Variants in RBMS3 observed in about 807,000 individuals in gnomAD.
The protein encoded by RBMS3 is RNA-binding motif, single-stranded-interacting protein 3.
In RBMS3, 27 loss-of-function variants were observed where a neutral mutation model predicts 66.8. The observed-to-expected ratio is 0.40, with a 90% CI of 0.30 to 0.56. The LOEUF (loss-of-function observed/expected upper bound fraction) is 0.56, where lower values mean the gene tolerates loss of function less well. Among genes scored for constraint, RBMS3 ranks in the 20% least tolerant of loss-of-function variants. The pLI is 0.40. For missense variants in RBMS3, 513 were observed against 549.5 expected, an observed-to-expected ratio of 0.93 and a Z score of 0.66; for synonymous variants, 188 against 183.0, an observed-to-expected ratio of 1.03 and a Z score of -0.22.
chr3:29,929,926 A>G lies in RBMS3; in HGVS notation c.940-6160A>G, dbSNP rs533619554. On this transcript the variant is annotated intron_variant, in intron 10 of 14. Coordinates refer to ENST00000383767, the MANE Select transcript of RBMS3 (RefSeq NM_001003793.3). ...AAAATAAATAGCAAAATAAGTTAGC[A>G]CTCAAAAATAATGATAAAGCCATTG... 4.9e-4 allele frequency among the ~76,000 whole-genome samples: 74 copies of G among 151,936 alleles called. No individual in the cohort carries two copies. In the South Asian group the frequency reaches 0.015, roughly 31 times the overall value.
chr3:29,430,947 G>A (rs2041160630), intron 1 of RBMS3, among the ~76,000 whole-genome samples: 2 of 152,276 alleles, frequency 1.3e-5, no homozygotes, highest in African/African-American at 4.8e-5. Context: ...CCCATTATGA[G>A]ATACACCAGG....
At chr3:29,904,120 T>C (rs1269505083) in intron 10 of RBMS3, among the ~76,000 whole-genome samples, 2 of 151,956 alleles carry the variant, frequency 1.3e-5, no homozygotes, top group Non-Finnish European at 2.9e-5. Context: ...CTGGCTTTGC[T>C]ACCGTTAAAT....
chr3:29,317,326 A>G (rs1328065635), intron 1 of RBMS3, among the ~76,000 whole-genome samples: 1 of 151,750 alleles, frequency 6.6e-6, no homozygotes, highest in Non-Finnish European at 1.5e-5. Context: ...CTATGTCCAG[A>G]TAGGATATTC....
At chr3:29,606,097 C>T (rs2048313207) in intron 4 of RBMS3, among the ~76,000 whole-genome samples, 1 of 151,398 alleles carries the variant, frequency 6.6e-6, no homozygotes, top group African/African-American at 2.4e-5. Context: ...CTGAATCATA[C>T]TCCAGTACTG....
intron 4 of RBMS3, among the ~76,000 whole-genome samples, chr3:29,670,901 T>C (rs2149245497): frequency 6.6e-6 from 1 of 152,262 alleles, no homozygotes; most frequent in South Asian, 2.1e-4. Flanking sequence ...GAAGAGAGCA[T>C]TGCTTCTCTG....
chr3:29,464,221 G>A (rs1274578837), intron 2 of RBMS3, among the ~76,000 whole-genome samples: 1 of 152,268 alleles, frequency 6.6e-6, no homozygotes, highest in African/African-American at 2.4e-5. Flanking sequence ...GTAAGTCTGT[G>A]GTTGCAGCCA....
chr3:29,446,767 A>G (rs1453029025), intron 2 of RBMS3, among the ~76,000 whole-genome samples: 1 of 152,188 alleles, frequency 6.6e-6, no homozygotes, highest in African/African-American at 2.4e-5. Context: ...TATCAGTGAT[A>G]TTCTGATATC....
At chr3:29,719,385 G>A (rs1272389714) in intron 4 of RBMS3, among the ~76,000 whole-genome samples, 1 of 152,104 alleles carries the variant, frequency 6.6e-6, no homozygotes. Context: ...TTGGCCATAG[G>A]TAGTATTTTA....
intron 4 of RBMS3, among the ~76,000 whole-genome samples, chr3:29,598,612 A>G (rs925394776): frequency 6.6e-6 from 1 of 152,016 alleles, no homozygotes; most frequent in African/African-American, 2.4e-5. Context: ...CAACCATATC[A>G]TATTGTCAAA....
intron 10 of RBMS3, among the ~76,000 whole-genome samples, chr3:29,912,762 C>T (rs935998196): frequency 1.3e-5 from 2 of 151,984 alleles, no homozygotes; most frequent in African/African-American, 4.8e-5. Context: ...ATAAGAATGA[C>T]TCAGTAAATC....
At chr3:29,369,782 A>T (rs13097194) in intron 1 of RBMS3, among the ~76,000 whole-genome samples, 1 of 152,016 alleles carries the variant, frequency 6.6e-6, no homozygotes, top group African/African-American at 2.4e-5. Context: ...AATTCTTTCC[A>T]GTAAAGAGGT....
intron 2 of RBMS3, among the ~76,000 whole-genome samples, chr3:29,449,575 AGAG>A (rs1485937492): frequency 7.9e-5 from 12 of 152,380 alleles, no homozygotes; most frequent in African/African-American, 2.4e-4. Context: ...CAAAATAAGA[AGAG>A]GAGGTCAGCA....
Position 29,281,132 on chromosome 3 carries a change from T to TTTC in RBMS3, c.-550_-549insTTC, listed in dbSNP as rs1553625670. 6 of 135,908 alleles carry TTTC rather than the reference T, an allele frequency of 4.4e-5. No homozygotes were observed. The highest frequency in any genetic ancestry group is 1.6e-4 in the African/African-American group (6 of 36,570). The allele number at this position is 135,908 out of a possible 1,614,324, so 8.4% of individuals were successfully genotyped here. A position where few individuals can be genotyped will look rare whatever the true frequency, so the allele number is the denominator to read the frequency against. On this transcript the variant is annotated 5_prime_UTR_variant, in exon 1 of 15. Coordinates refer to ENST00000383767, the MANE Select transcript of RBMS3 (RefSeq NM_001003793.3). The stretch of plus-strand genomic sequence containing the variant: ...GTACAAGGTTTTTTTTTTTTTTTTT[T>TTTC]CTTCCTTTTTTTCTTTTTTTTTTTC...
intron 6 of RBMS3, among the ~76,000 whole-genome samples, chr3:29,788,334 T>C (rs2056893477): frequency 1.3e-5 from 2 of 152,088 alleles, no homozygotes; most frequent in Admixed American, 1.3e-4. Flanking sequence ...CAAGTGATTC[T>C]CCTGCCCCAC....
chr3:29,610,263 C>G (rs2048450003), intron 4 of RBMS3, among the ~76,000 whole-genome samples: 1 of 151,998 alleles, frequency 6.6e-6, no homozygotes, highest in Non-Finnish European at 1.5e-5. Flanking sequence ...CAGCTAGAAA[C>G]AGTAGCAAAC....
intron 6 of RBMS3, among the ~76,000 whole-genome samples, chr3:29,805,159 G>A (rs2057508583): frequency 6.6e-6 from 1 of 151,974 alleles, no homozygotes; most frequent in African/African-American, 2.4e-5. Flanking sequence ...GTATTATAAT[G>A]GAGCTGAAAC....
At chr3:29,356,104 G>A (rs557606448) in intron 1 of RBMS3, among the ~76,000 whole-genome samples, 12 of 152,256 alleles carry the variant, frequency 7.9e-5, no homozygotes, top group South Asian at 2.1e-4. Context: ...TTAACTACAC[G>A]TAGATATATC....
chr3:29,518,642 C>T (rs556846691), intron 3 of RBMS3, among the ~76,000 whole-genome samples: 1 of 152,218 alleles, frequency 6.6e-6, no homozygotes, highest in South Asian at 2.1e-4. Flanking sequence ...CCATTTTCAT[C>T]TCGTCAACAC....
At chr3:29,448,278 G>A (rs1465706635) in intron 2 of RBMS3, among the ~76,000 whole-genome samples, 1 of 152,174 alleles carries the variant, frequency 6.6e-6, no homozygotes, top group African/African-American at 2.4e-5. Flanking sequence ...GACTGTAAAA[G>A]GCTCTCCCCA....
Sources: gnomAD v4.1 joint callset for allele counts (sites outside exome capture counted in the v4.1 genomes callset) on GRCh38, gnomAD v4.1.1 for gene constraint, MANE v1.5 for transcripts, NCBI Gene and HGNC (gene_info 2026-07-23, HGNC 2026-07-21) for gene names.